ABCA6: variants seen among roughly 807,000 people sequenced by gnomAD.
The protein encoded by ABCA6 is ATP binding cassette subfamily A member 6.
Under a neutral mutation model 191.2 loss-of-function variants are expected in ABCA6, and 164 were observed. That is an observed-to-expected ratio of 0.86 (90% CI 0.76 to 0.98). ABCA6 has a LOEUF of 0.98. ABCA6 is among the 50% of genes least tolerant of loss of function. ABCA6 has a pLI of 0.00. For missense variants in ABCA6, 1,958 were observed against 1,894.1 expected, an observed-to-expected ratio of 1.03 and a Z score of -0.63; for synonymous variants, 636 against 647.7, an observed-to-expected ratio of 0.98 and a Z score of 0.27.
intron 10 of ABCA6, among the ~76,000 whole-genome samples, chr17:69,122,712 A>T (rs535979105): frequency 6.6e-6 from 1 of 152,090 alleles, no homozygotes; most frequent in East Asian, 1.9e-4. Context: ...AGAGGTGGGC[A>T]CAAGAGAAAG....
intron 2 of ABCA6, among the ~76,000 whole-genome samples, chr17:69,139,423 C>T (rs1434163051): frequency 6.6e-6 from 1 of 152,120 alleles, no homozygotes. Flanking sequence ...GTTAGAATGG[C>T]AATCATTAAA....
At chr17:69,087,099 C>T (rs1480716826) in intron 29 of ABCA6, among the ~76,000 whole-genome samples, 1 of 152,018 alleles carries the variant, frequency 6.6e-6, no homozygotes, top group Non-Finnish European at 1.5e-5. Context: ...CAATTATAGC[C>T]CTAATTATGA....
At chr17:69,098,053 C>A in intron 22 of ABCA6, 26 bp from the exon 23 acceptor site, 1 of 1,480,098 alleles carries the variant, frequency 6.8e-7, no homozygotes, top group Non-Finnish European at 9.2e-7. Context: ...GTAGCTTAAA[C>A]TAGTGAATAT....
intron 17 of ABCA6, chr17:69,108,525 G>A (rs1048700725): frequency 6.6e-5 from 10 of 152,208 alleles, no homozygotes; most frequent in African/African-American, 2.4e-4. Context: ...CTCCATGAGA[G>A]TAGAGACACA....
At position 69,079,235 on chromosome 17, in the gene ABCA6, C is replaced by CTGTA. The variant is rs2072567747; in HGVS notation, c.4723_4726dup (p.Ser1576IlefsTer17). On this transcript the variant is annotated frameshift_variant, in exon 38 of 39. Transcript: ENST00000284425. LOFTEE classifies it low-confidence loss of function (END_TRUNC). ...CTTCTCCAGTGTGCACTGAGAAAGG[C>CTGTA]TGTATTCTTCCAGGTTAAAGTTATG... The CTGTA allele has an allele frequency of 6.2e-7, 1 of 1,607,706 alleles. No individual in the cohort carries two copies. Among genetic ancestry groups the CTGTA allele is most frequent in the Non-Finnish European group, 8.5e-7 (1 of 1,176,696 alleles).
intron 17 of ABCA6, chr17:69,108,921 T>C (rs2073362634): frequency 6.6e-6 from 1 of 152,194 alleles, no homozygotes; most frequent in Non-Finnish European, 1.5e-5. Context: ...ATTCCAGTGG[T>C]AGTACCAACA....
At position 69,089,605 on chromosome 17, in the gene ABCA6, T is replaced by C; in HGVS notation, c.3529-63A>G. On this transcript the variant is annotated intron_variant, in intron 26 of 38. Coordinates refer to ENST00000284425, the MANE Select transcript of ABCA6 (RefSeq NM_080284.3). ...AATTCATCTGCTTTATGATTTGCACTTAAATAATATAAAATTCACATATTG... is the reference window on the plus strand; with the variant it reads ...AATTCATCTGCTTTATGATTTGCACCTAAATAATATAAAATTCACATATTG... The C allele has an allele frequency of 3.8e-6, 5 of 1,315,736 alleles. No individual in the cohort carries two copies. In the South Asian group the frequency reaches 6.4e-5, roughly 17 times the overall value. 81.5% of individuals were successfully genotyped at this position (1,315,736 alleles called of 1,614,324 possible). A position where few individuals can be genotyped will look rare whatever the true frequency, so the allele number is the denominator to read the frequency against.
chr17:69,099,404 G>A (rs989966650), intron 22 of ABCA6: 1 of 152,056 alleles, frequency 6.6e-6, no homozygotes, highest in Admixed American at 6.6e-5. Context: ...GTAGCTATGG[G>A]CTTCAGTCCA....
chr17:69,088,174 C>G lies in ABCA6; in HGVS notation c.3691G>C (p.Val1231Leu). ...GTTAAATTTCACCCCAACCTGAAAA[C>G]AGGATCTTTTCGCATTCTTTTCTTT... ...CGKKRMRKDP[V>L]FRISPQSRDA... Residue 1231 changes from valine to leucine, a missense_variant, in exon 28 of 39, where the codon GTT becomes CTT. Transcript: ENST00000284425. 1 of 1,610,202 alleles carries G rather than the reference C, an allele frequency of 6.2e-7. No individual in the cohort carries two copies. The highest frequency in any genetic ancestry group is 8.5e-7 in the Non-Finnish European group (1 of 1,178,204).
In ABCA6 at chr17:69,083,207, C is replaced by T. The variant is rs780755597; in HGVS notation, c.4475+5G>A. The T allele has an allele frequency of 1.3e-6, 2 of 1,587,258 alleles. No individual in the cohort carries two copies. The highest frequency in any genetic ancestry group is 2.7e-5 in the African/African-American group (2 of 73,412). The stretch of plus-strand genomic sequence containing the variant: ...ATCAAATGCAGGCTTCGGAGAGACA[C>T]CCACCTAAGCCTTCCAGACACCATG... On this transcript the variant is annotated splice_donor_5th_base_variant and intron_variant, in intron 35 of 38. Coordinates refer to ENST00000284425, the MANE Select transcript of ABCA6 (RefSeq NM_080284.3).
chr17:69,099,724 T>A (rs1481955440), intron 22 of ABCA6: 3 of 154,172 alleles, frequency 1.9e-5, no homozygotes, highest in Non-Finnish European at 4.4e-5. Context: ...CCTCGAGTCA[T>A]CCTGTGCAGC....
chr17:69,078,803 C>G lies in ABCA6; in HGVS notation c.*170G>C. ...GCCTTTATCACAGGTTTGCTATCAC[C>G]CCTATGTTTGAGAGGAAGAATAATT... On this transcript the variant is annotated 3_prime_UTR_variant, in exon 39 of 39. Transcript: ENST00000284425. 2.1e-6 allele frequency: 1 copy of G among 468,536 alleles called. No homozygotes were observed. The highest frequency in any genetic ancestry group is 3.4e-5 in the East Asian group (1 of 29,066). The allele number at this position is 468,536 out of a possible 1,614,324, so 29.0% of individuals were successfully genotyped here.
chr17:69,116,332 A>G lies in ABCA6; in HGVS notation c.1496-846T>C, dbSNP rs540717160. ...AAATGGTACATGTAAATCACTTAGC[A>G]TAGTTTCCCGCACACACCAAATCCT... On this transcript the variant is annotated intron_variant, in intron 11 of 38. Transcript: ENST00000284425. Among the ~76,000 whole-genome samples the G allele has an allele frequency of 8.6e-4, 131 of 152,232 alleles. 1 individual carries two copies. Among genetic ancestry groups the G allele is most frequent in the African/African-American group, 3.1e-3 (127 of 41,562 alleles).
chr17:69,099,620 G>T (rs1322445998), intron 22 of ABCA6: 1 of 154,304 alleles, frequency 6.5e-6, no homozygotes, highest in Non-Finnish European at 1.5e-5. Context: ...ACAGGTTCAT[G>T]CTGCTATCGT....
Position 69,124,972 on chromosome 17 carries a change from TA to T in ABCA6, c.1182del (p.Tyr394Ter). 6.4e-7 allele frequency: 1 copy of T among 1,557,406 alleles called. No homozygotes were observed. The highest frequency in any genetic ancestry group is 1.4e-5 in the African/African-American group (1 of 72,966). ...AACATAGAAAAAGTTGCTATCATTG[TA>T]TATGAGTCTCCTGAAGGGTCAGGAA... ...VIFPDPSGDS[Y>X]TMIATFSMLL... On this transcript the variant is annotated frameshift_variant, in exon 9 of 39. Transcript: ENST00000284425. LOFTEE classifies it high-confidence loss of function.
intron 6 of ABCA6, among the ~76,000 whole-genome samples, chr17:69,132,474 G>T (rs545906153): frequency 4.0e-5 from 6 of 151,890 alleles, no homozygotes; most frequent in South Asian, 2.1e-4. Context: ...TTGTTTGTTT[G>T]GTTTTGTTTG....
At chr17:69,089,652 A>C (rs2072882101) in intron 26 of ABCA6, 110 bp from the exon 27 acceptor site, 4 of 917,138 alleles carry the variant, frequency 4.4e-6, no homozygotes, top group East Asian at 5.5e-5. Flanking sequence ...CATAGATCTC[A>C]ATTTCTTTGT....
chr17:69,102,906 C>T lies in ABCA6; in HGVS notation c.2803G>A (p.Asp935Asn), dbSNP rs759023356. Reference protein sequence around the residue: ...KHQNILLEVDDFENRNGTDGL... With the variant: ...KHQNILLEVDNFENRNGTDGL... ...TCAGTACCATTTCTGTTTTCAAAGT[C>T]ATCTACTTCCAAAAGTATATTTTGA... Residue 935 changes from aspartate to asparagine, a missense_variant, in exon 21 of 39, where the codon GAC (aspartate) becomes AAC (asparagine). Coordinates refer to ENST00000284425, the MANE Select transcript of ABCA6 (RefSeq NM_080284.3). The T allele has an allele frequency of 6.9e-6, 11 of 1,591,402 alleles. No individual in the cohort carries two copies. The South Asian group carries it at 1.3e-4, about 18-fold the overall frequency.
intron 31 of ABCA6, 105 bp downstream of exon 31, chr17:69,085,520 A>AC (rs2072760158): frequency 1.4e-5 from 1 of 71,256 alleles, no homozygotes; most frequent in Non-Finnish European, 2.1e-5. Flanking sequence ...ATCCAAAGGC[A>AC]AAAAAAAAAA....
Sources: allele counts gnomAD v4.1 joint callset (sites outside exome capture counted in the v4.1 genomes callset), GRCh38; gene constraint gnomAD v4.1.1; transcripts MANE v1.5; gene names NCBI Gene and HGNC (gene_info 2026-07-23, HGNC 2026-07-21).